NFXL1: variants seen among roughly 807,000 people sequenced by gnomAD.
The protein encoded by NFXL1 is nuclear transcription factor, X-box binding like 1, also known as NF-X1-type zinc finger protein NFXL1.
Under a neutral mutation model 123.3 loss-of-function variants are expected in NFXL1, and 66 were observed. The observed-to-expected ratio is 0.54, with a 90% CI of 0.44 to 0.66. The LOEUF (loss-of-function observed/expected upper bound fraction) is 0.66, where lower values mean the gene tolerates loss of function less well. NFXL1 is among the 30% of genes least tolerant of loss of function. NFXL1 has a pLI of 0.00. For missense variants in NFXL1, 944 were observed against 1,125.6 expected (o/e 0.84, Z 2.31); for synonymous variants, 346 against 360.8 (o/e 0.96, Z 0.46).
At chr4:47,860,232 A>G (rs944990547) in intron 19 of NFXL1, among the ~76,000 whole-genome samples, 4 of 152,198 alleles carry the variant, frequency 2.6e-5, no homozygotes, top group Non-Finnish European at 5.9e-5. Flanking sequence ...ACAAAATTTT[A>G]TCAATTAAAA....
chr4:47,894,749 A>C (rs1287918644), intron 10 of NFXL1, among the ~76,000 whole-genome samples: 2 of 152,140 alleles, frequency 1.3e-5, no homozygotes, highest in African/African-American at 4.8e-5. Context: ...GAAGTCACCC[A>C]TGAGGGCTGG....
At position 47,899,138 on chromosome 4, in the gene NFXL1, C is replaced by CA. The variant is rs3057881; in HGVS notation, c.827-19dup. On this transcript the variant is annotated intron_variant, in intron 6 of 22. Coordinates refer to ENST00000507489, the MANE Select transcript of NFXL1 (RefSeq NM_001278624.2). ...GCAGGGACCTAGAATTCAGTAAAAG[C>CA]AAAAAAAAAAAAAAAAAAAAAATCT... 3.8e-3 allele frequency: 4,589 copies of CA among 1,209,234 alleles called. 16 individuals are homozygous for CA. The highest frequency in any genetic ancestry group is 0.021 in the African/African-American group (1,106 of 53,262). 74.9% of individuals were successfully genotyped at this position (1,209,234 alleles called of 1,614,324 possible).
intron 19 of NFXL1, among the ~76,000 whole-genome samples, chr4:47,860,858 G>GT (rs796712404): frequency 0.055 from 8,029 of 146,032 alleles, 690 homozygotes; most frequent in African/African-American, 0.19. Context: ...AGCAATCTGT[G>GT]TTTTTTTTTT....
intron 12 of NFXL1, among the ~76,000 whole-genome samples, chr4:47,887,067 G>A (rs550467467): frequency 2.0e-5 from 3 of 152,036 alleles, no homozygotes; most frequent in South Asian, 4.1e-4. Flanking sequence ...AGCTTTTTAC[G>A]CTCTTTTGTT....
rs1386340250 is a variant in NFXL1 at position 47,896,685 on chromosome 4, A to G, written c.1205-38T>C. The stretch of plus-strand genomic sequence containing the variant: ...AAAAAGTCAATGTTAATAATGAGAC[A>G]TTATTATTAAACATCAACAAAGTGC... On this transcript the variant is annotated intron_variant, in intron 9 of 22. Coordinates refer to ENST00000507489, the MANE Select transcript of NFXL1 (RefSeq NM_001278624.2). 3 of 1,446,406 alleles carry G rather than the reference A, an allele frequency of 2.1e-6. No individual in the cohort carries two copies. The South Asian group carries it at 3.5e-5, about 17-fold the overall frequency. The allele number at this position is 1,446,406 out of a possible 1,614,324, so 89.6% of individuals were successfully genotyped here.
intron 14 of NFXL1, 79 bp from the exon 15 acceptor site, chr4:47,884,516 C>A: frequency 1.2e-6 from 1 of 836,974 alleles, no homozygotes. Context: ...GAAAATAGTT[C>A]CATGTATCCT....
chr4:47,855,144 C>A lies in NFXL1; in HGVS notation c.2336G>T (p.Cys779Phe). The A allele has an allele frequency of 6.3e-7, 1 of 1,582,324 alleles. No individual in the cohort carries two copies. The highest frequency in any genetic ancestry group is 1.1e-5 in the South Asian group (1 of 88,360). Residue 779 changes from cysteine to phenylalanine, a missense_variant, in exon 20 of 23, where the codon TGC becomes TTC. Physicochemically the swap from Cys to Phe is radical, Grantham distance 205 (BLOSUM62 -2). Around this residue, in one of 4 missense-constraint regions of NFXL1, gnomAD observed 301 missense variants for 348.0 expected, o/e 0.86. Transcript: ENST00000507489. The part of the protein sequence containing the change: ...CPKELPCGHR[C>F]KEMCHPGECP... The stretch of plus-strand genomic sequence containing the variant: ...TTCACCAGGATGACACATCTCTTTG[C>A]ATCTATGACCACAAGGAAGCTAAAA...
intron 4 of NFXL1, among the ~76,000 whole-genome samples, chr4:47,904,668 T>G (rs978989402): frequency 6.6e-6 from 1 of 152,184 alleles, no homozygotes; most frequent in Non-Finnish European, 1.5e-5. Flanking sequence ...AAATGTTGAG[T>G]CTTTCACATT....
At position 47,891,740 on chromosome 4, in the gene NFXL1, G is replaced by T. The variant is rs539535942; in HGVS notation, c.1453-1037C>A. 3.3e-5 allele frequency among the ~76,000 whole-genome samples: 5 copies of T among 152,132 alleles called. No homozygotes were observed. In the East Asian group the frequency reaches 9.6e-4, roughly 29 times the overall value. On this transcript the variant is annotated intron_variant, in intron 11 of 22. Transcript: ENST00000507489. ...ATATAAAAATAGCTAAAAACAAAAT[G>T]TACATTATTAAAAAGCAATTAAGTC...
chr4:47,857,858 G>A (rs1183162484), intron 19 of NFXL1, among the ~76,000 whole-genome samples: 5 of 152,196 alleles, frequency 3.3e-5, no homozygotes, highest in Non-Finnish European at 5.9e-5. Context: ...GGTTTAAGTA[G>A]TCATCTCACT....
chr4:47,890,848 T>C, intron 11 of NFXL1, 145 bp from the exon 12 acceptor site: 1 of 581,360 alleles, frequency 1.7e-6, no homozygotes, highest in Non-Finnish European at 3.1e-6. Flanking sequence ...ATTCTTCTGG[T>C]AAGTAAACAT....
rs73814607 is a variant in NFXL1 at position 47,894,422 on chromosome 4, C to T, written c.1330-120G>A. The T allele has an allele frequency of 5.4e-3, 3,092 of 567,798 alleles. 86 individuals are homozygous for T. The highest frequency in any genetic ancestry group is 0.054 in the African/African-American group (2,791 of 51,604). The allele number at this position is 567,798 out of a possible 1,614,324, so 35.2% of individuals were successfully genotyped here. ...AAATTTTAACACTAAATTTGTATAACAAACTTTACCAAAAACCAATTTGAA... is the reference window on the plus strand; with the variant it reads ...AAATTTTAACACTAAATTTGTATAATAAACTTTACCAAAAACCAATTTGAA... On this transcript the variant is annotated intron_variant, in intron 10 of 22. Transcript: ENST00000507489.
intron 18 of NFXL1, among the ~76,000 whole-genome samples, chr4:47,870,573 G>A (rs919404837): frequency 6.6e-6 from 1 of 151,080 alleles, no homozygotes; most frequent in African/African-American, 2.4e-5. Context: ...TGAGGCAAAA[G>A]TATTGTAAAG....
chr4:47,852,151 T>C (rs1247582471), intron 20 of NFXL1: 2 of 451,080 alleles, frequency 4.4e-6, no homozygotes, highest in Non-Finnish European at 3.9e-6. Context: ...GAGAATACCA[T>C]AAAATTTTTA....
At chr4:47,913,681 C>T (rs1410556470) in intron 2 of NFXL1, among the ~76,000 whole-genome samples, 1 of 152,220 alleles carries the variant, frequency 6.6e-6, no homozygotes, top group Non-Finnish European at 1.5e-5. Context: ...CAAATCAGAA[C>T]ACCGGGCCAC....
At chr4:47,886,057 G>A in intron 12 of NFXL1, 58 bp from the exon 13 acceptor site, 1 of 1,500,492 alleles carries the variant, frequency 6.7e-7, no homozygotes, top group Non-Finnish European at 9.2e-7. Context: ...GCCTATTAAT[G>A]GTAAAATACA....
At chr4:47,899,301 T>C (rs190925395) in intron 6 of NFXL1, 69 bp downstream of exon 6, 1 of 1,416,238 alleles carries the variant, frequency 7.1e-7, no homozygotes, top group African/African-American at 1.5e-5. Flanking sequence ...TTTTACAATT[T>C]TTTTTTTTGC....
intron 18 of NFXL1, among the ~76,000 whole-genome samples, chr4:47,867,735 G>A (rs1172940422): frequency 6.6e-6 from 1 of 152,052 alleles, no homozygotes; most frequent in Non-Finnish European, 1.5e-5. Context: ...GAAGAGACTG[G>A]CATCAAATTT....
intron 5 of NFXL1, among the ~76,000 whole-genome samples, chr4:47,900,937 A>G (rs1404804512): frequency 6.6e-6 from 1 of 152,194 alleles, no homozygotes; most frequent in African/African-American, 2.4e-5. Flanking sequence ...GGAAGAGTTC[A>G]ATTTTTTTTT....
Sources: gnomAD v4.1 joint callset for allele counts (sites outside exome capture counted in the v4.1 genomes callset) on GRCh38, gnomAD v4.1.1 for gene constraint, gnomAD v4.1.1 regional missense constraint, MANE v1.5 for transcripts, NCBI Gene and HGNC (gene_info 2026-07-23, HGNC 2026-07-21) for gene names.